Variants in CYB561D2 observed in about 807,000 individuals in gnomAD.
CYB561D2 encodes the protein transmembrane reductase CYB561D2.
In CYB561D2, 16 loss-of-function variants were observed where a neutral mutation model predicts 20.2. That is an observed-to-expected ratio of 0.79 (90% CI 0.53 to 1.20). The LOEUF (loss-of-function observed/expected upper bound fraction) is 1.20, where lower values mean the gene tolerates loss of function less well. CYB561D2 is among the 50% of genes most tolerant of loss of function. CYB561D2 has a pLI of 0.00. For synonymous variants in CYB561D2, 135 were observed against 128.3 expected, an observed-to-expected ratio of 1.05 and a Z score of -0.35; for missense variants, 247 against 270.3, an observed-to-expected ratio of 0.91 and a Z score of 0.60.
At chr3:50,353,180 C>T (rs1703810928) in intron 3 of CYB561D2, 61 bp from the exon 4 acceptor site, 1 of 1,510,176 alleles carries the variant, frequency 6.6e-7, no homozygotes. Flanking sequence ...TTACATAAAG[C>T]CCTCTTCTCC....
At chr3:50,351,275 G>A (rs1452449592) in intron 1 of CYB561D2, 134 bp from the exon 2 acceptor site, 9 of 988,488 alleles carry the variant, frequency 9.1e-6, no homozygotes, top group Non-Finnish European at 1.0e-5. Context: ...ACCATTCCTG[G>A]TGCTGGTCTT....
In CYB561D2 at chr3:50,353,614, C is replaced by T. The variant is rs1703822264; in HGVS notation, c.539C>T (p.Ser180Leu). 2 of 1,613,616 alleles carry T rather than the reference C, an allele frequency of 1.2e-6. No homozygotes were observed. Among genetic ancestry groups the T allele is most frequent in the African/African-American group, 1.3e-5 (1 of 74,944 alleles). ...GSASLLLGMC[S>L]LWFTASVTGA... ...GCCAGCCTCTTGCTGGGCATGTGCT[C>T]ACTCTGGTTCACTGCCTCTGTCACT... Residue 180 changes from serine to leucine, a missense_variant, in exon 4 of 4, where the codon TCA (serine) becomes TTA (leucine). Coordinates refer to ENST00000425346, the MANE Select transcript of CYB561D2 (RefSeq NM_001291284.2).
At chr3:50,351,059 A>G (rs960859449) in intron 1 of CYB561D2, 75 bp downstream of exon 1, 8 of 500,174 alleles carry the variant, frequency 1.6e-5, no homozygotes, top group Non-Finnish European at 3.2e-6. Context: ...TCACGCTGTA[A>G]CTGGGACCGC....
At chr3:50,352,810 C>T (rs781003336) in intron 3 of CYB561D2, among the ~76,000 whole-genome samples, 31 of 151,858 alleles carry the variant, frequency 2.0e-4, no homozygotes, top group Non-Finnish European at 3.7e-4. Flanking sequence ...AAAGCTGAGA[C>T]ATTGCATTTG....
intron 3 of CYB561D2, 52 bp from the exon 4 acceptor site, chr3:50,353,186 TCTC>T: frequency 7.9e-6 from 12 of 1,515,374 alleles, no homozygotes; most frequent in Middle Eastern, 1.8e-4. Context: ...AAAGCCCTCT[TCTC>T]CTCTTCTGGG....
Position 50,353,235 on chromosome 3 carries a change from C to A in CYB561D2, c.166-6C>A. ...CACTTGAGCTTCCCATCCCCTGTTT[C>A]CTCAGTTCTCCTTCCTGATGACCGA... On this transcript the variant is annotated splice_region_variant and splice_polypyrimidine_tract_variant and intron_variant, in intron 3 of 3. Coordinates refer to ENST00000425346, the MANE Select transcript of CYB561D2 (RefSeq NM_001291284.2). The A allele has an allele frequency of 6.5e-7, 1 of 1,548,090 alleles. No individual in the cohort carries two copies. The highest frequency in any genetic ancestry group is 8.8e-7 in the Non-Finnish European group (1 of 1,141,808).
In CYB561D2 at chr3:50,353,394, C is replaced by A; in HGVS notation, c.319C>A (p.His107Asn). 6.2e-7 allele frequency: 1 copy of A among 1,613,508 alleles called. No homozygotes were observed. Among genetic ancestry groups the A allele is most frequent in the Non-Finnish European group, 8.5e-7 (1 of 1,180,018 alleles). The change falls in exon 4 of 4, where the codon CAC becomes AAC. Residue 107 changes from histidine to asparagine, a missense_variant. Coordinates refer to ENST00000425346, the MANE Select transcript of CYB561D2 (RefSeq NM_001291284.2). ...GCTGGGCCTCGGCCTTGTCATCCTC[C>A]ACAAAGAGCAGCTTGGCAAAGCCCA... ...ALLGLGLVIL[H>N]KEQLGKAHLV...
In CYB561D2 at chr3:50,350,901, C is replaced by G. The variant is rs1347624150; in HGVS notation, c.-109C>G. On this transcript the variant is annotated 5_prime_UTR_variant, in exon 1 of 4. Coordinates refer to ENST00000425346, the MANE Select transcript of CYB561D2 (RefSeq NM_001291284.2). This position sits in a 1 kb window ranked among gnomAD's most constrained non-coding sequence, Gnocchi z 5.7. The stretch of plus-strand genomic sequence containing the variant: ...GAAGTAAAGCGGCTCCGTGACGGAG[C>G]GGCGGTGCGCGCGGCAGGGCCCGGA... 5.0e-6 allele frequency: 7 copies of G among 1,393,514 alleles called. No individual in the cohort carries two copies. The highest frequency in any genetic ancestry group is 2.7e-5 in the East Asian group (1 of 36,590). 86.3% of individuals were successfully genotyped at this position (1,393,514 alleles called of 1,614,324 possible).
rs771424687 is a variant in CYB561D2 at position 50,353,247 on chromosome 3, T to G, written c.172T>G (p.Phe58Val). The G allele has an allele frequency of 1.9e-6, 3 of 1,559,658 alleles. No individual in the cohort carries two copies. Among genetic ancestry groups the G allele is most frequent in the Non-Finnish European group, 2.6e-6 (3 of 1,146,698 alleles). Residue 58 changes from phenylalanine (F) to valine (V), a missense_variant, in exon 4 of 4, where the codon TTC becomes GTC. By Grantham distance (50) the Phe-to-Val change is conservative. Transcript: ENST00000425346. ...HPVLMSLAFS[F>V]LMTEALLVFS... ...CCATCCCCTGTTTCCTCAGTTCTCC[T>G]TCCTGATGACCGAGGCACTACTGGT...
At chr3:50,352,194 C>T in intron 3 of CYB561D2, 148 bp downstream of exon 3, 1 of 1,034,316 alleles carries the variant, frequency 9.7e-7, no homozygotes, top group Non-Finnish European at 1.4e-6. Context: ...ATATTTCAGA[C>T]TTGAGGCTGG....
intron 3 of CYB561D2, 68 bp from the exon 4 acceptor site, chr3:50,353,173 C>G: frequency 6.6e-7 from 1 of 1,506,206 alleles, no homozygotes. Flanking sequence ...CTAAGGGTTA[C>G]ATAAAGCCCT....
rs1703828463 is a variant in CYB561D2, at chr3:50,353,942, A to C, written c.*198A>C. On this transcript the variant is annotated 3_prime_UTR_variant, in exon 4 of 4. Transcript: ENST00000425346. Reference sequence around the variant, plus strand: ...CCTTCCCCTTTCTCTGTCATCCCAGAGGAACATAGGCATCATGTGTCTGGA... The same window carrying C: ...CCTTCCCCTTTCTCTGTCATCCCAGCGGAACATAGGCATCATGTGTCTGGA... 24 of 615,128 alleles carry C rather than the reference A, an allele frequency of 3.9e-5. 1 individual carries two copies. The highest frequency in any genetic ancestry group is 3.5e-4 in the South Asian group (16 of 45,214). 38.1% of individuals were successfully genotyped at this position (615,128 alleles called of 1,614,324 possible).
chr3:50,351,054 C>T, intron 1 of CYB561D2, 70 bp downstream of exon 1: 1 of 523,306 alleles, frequency 1.9e-6, no homozygotes, highest in South Asian at 3.1e-5. Flanking sequence ...GGGATTCACG[C>T]TGTAACTGGG....
chr3:50,353,353 C>T lies in CYB561D2; in HGVS notation c.278C>T (p.Ala93Val), dbSNP rs1287198916. 1 of 1,613,366 alleles carries T rather than the reference C, an allele frequency of 6.2e-7. No homozygotes were observed. The highest frequency in any genetic ancestry group is 8.5e-7 in the Non-Finnish European group (1 of 1,179,984). The change falls in exon 4 of 4, where the codon GCC becomes GTC. Residue 93 changes from alanine (A) to valine (V), a missense_variant. Transcript: ENST00000425346. ...TGCCACTGGGTGCTGCAGCTGCTGG[C>T]CCTGCTGTGTGCACTGCTGGGCCTC... ...ARCHWVLQLLALLCALLGLGL... is the reference protein window; with the variant it reads ...ARCHWVLQLLVLLCALLGLGL...
chr3:50,353,234 T>G lies in CYB561D2; in HGVS notation c.166-7T>G. On this transcript the variant is annotated splice_region_variant and splice_polypyrimidine_tract_variant and intron_variant, in intron 3 of 3. Coordinates refer to ENST00000425346, the MANE Select transcript of CYB561D2 (RefSeq NM_001291284.2). ...TCACTTGAGCTTCCCATCCCCTGTT[T>G]CCTCAGTTCTCCTTCCTGATGACCG... 6.5e-7 allele frequency: 1 copy of G among 1,545,358 alleles called. No homozygotes were observed. The highest frequency in any genetic ancestry group is 8.8e-7 in the Non-Finnish European group (1 of 1,140,772).
chr3:50,351,029 G>C, intron 1 of CYB561D2, 45 bp downstream of exon 1: 1 of 653,350 alleles, frequency 1.5e-6, no homozygotes, highest in Non-Finnish European at 2.2e-6. Context: ...AGCACTTGGG[G>C]AGGCGGTGCG....
intron 2 of CYB561D2, 52 bp downstream of exon 2, chr3:50,351,612 G>T: frequency 6.3e-7 from 1 of 1,583,158 alleles, no homozygotes; most frequent in Non-Finnish European, 8.6e-7. Flanking sequence ...ACTGTTCCTG[G>T]GGAGGAAGGG....
intron 2 of CYB561D2, 58 bp from the exon 3 acceptor site, chr3:50,351,951 T>C (rs1703774918): frequency 1.2e-5 from 19 of 1,601,024 alleles, no homozygotes; most frequent in South Asian, 4.4e-5. Flanking sequence ...CCCTTAAGGA[T>C]TGGTATGGCT....
Position 50,353,881 on chromosome 3 carries a change from G to A in CYB561D2, c.*137G>A. The A allele has an allele frequency of 1.0e-6, 1 of 992,416 alleles. No individual in the cohort carries two copies. Among genetic ancestry groups the A allele is most frequent in the South Asian group, 1.7e-5 (1 of 60,538 alleles). 61.5% of individuals were successfully genotyped at this position (992,416 alleles called of 1,614,324 possible). Reference sequence around the variant, plus strand: ...GTTGGGCATTTGGAGGCCCGTGTGTGAATTCCTGCTCCTCATGCTGGAGTG... The same window carrying A: ...GTTGGGCATTTGGAGGCCCGTGTGTAAATTCCTGCTCCTCATGCTGGAGTG... On this transcript the variant is annotated 3_prime_UTR_variant, in exon 4 of 4. Transcript: ENST00000425346.
Sources: gnomAD v4.1 joint callset for allele counts (sites outside exome capture counted in the v4.1 genomes callset) on GRCh38, gnomAD v4.1.1 for gene constraint, Gnocchi (gnomAD v3.1) non-coding constraint, MANE v1.5 for transcripts, NCBI Gene and HGNC (gene_info 2026-07-23, HGNC 2026-07-21) for gene names.